DOCK1: variants seen among roughly 807,000 people sequenced by gnomAD.
The protein encoded by DOCK1 is dedicator of cytokinesis 1.
A neutral mutation model predicts 262.7 loss-of-function variants in DOCK1; 138 were observed. The ratio of observed to expected loss-of-function variants is 0.53; its 90% confidence interval spans 0.46 to 0.61. The LOEUF (loss-of-function observed/expected upper bound fraction) is 0.61. Ranked by LOEUF, DOCK1 falls within the 20% of genes least tolerant of loss-of-function variation. The probability of loss-of-function intolerance (pLI) is 0.00; values close to 1 mark genes in which losing one functional copy is unlikely to be tolerated. For synonymous variants in DOCK1, 866 were observed against 867.4 expected (o/e 1.00, Z 0.03); for missense variants, 1,908 against 2,370.7 (o/e 0.80, Z 4.05).
At chr10:127,425,140 C>T (rs1233431125) in intron 46 of DOCK1, among the ~76,000 whole-genome samples, 1 of 152,110 alleles carries the variant, frequency 6.6e-6, no homozygotes, top group Admixed American at 6.5e-5. Flanking sequence ...GAGAGGAAGC[C>T]TCTTAGCTTG....
At chr10:127,253,611 T>A (rs952769906) in intron 28 of DOCK1, among the ~76,000 whole-genome samples, 1 of 152,136 alleles carries the variant, frequency 6.6e-6, no homozygotes, top group Non-Finnish European at 1.5e-5. Flanking sequence ...CAGTGGCTCA[T>A]GCCTGTAATC....
intron 29 of DOCK1, among the ~76,000 whole-genome samples, chr10:127,274,733 G>A (rs964622667): frequency 3.9e-5 from 6 of 152,192 alleles, no homozygotes; most frequent in Admixed American, 2.6e-4. Flanking sequence ...GAGTGTTCCC[G>A]AGCTCTGTTT....
intron 29 of DOCK1, among the ~76,000 whole-genome samples, chr10:127,333,009 T>C (rs568183578): frequency 6.7e-6 from 1 of 150,202 alleles, no homozygotes; most frequent in South Asian, 2.1e-4. Context: ...GTTGCTAGAC[T>C]CATTTTTCTG....
intron 29 of DOCK1, among the ~76,000 whole-genome samples, chr10:127,273,163 A>G (rs2135201411): frequency 6.6e-6 from 1 of 152,356 alleles, no homozygotes; most frequent in African/African-American, 2.4e-5. Flanking sequence ...TTCCTGCAAG[A>G]GCCAGAAAAT....
chr10:127,194,320 G>C (rs1190436043), intron 27 of DOCK1, among the ~76,000 whole-genome samples: 1 of 152,224 alleles, frequency 6.6e-6, no homozygotes, highest in African/African-American at 2.4e-5. Flanking sequence ...AACATGGATA[G>C]TAAATGATTA....
chr10:127,202,030 G>A (rs917877210), intron 27 of DOCK1, among the ~76,000 whole-genome samples: 11 of 152,072 alleles, frequency 7.2e-5, no homozygotes, highest in Non-Finnish European at 1.3e-4. Flanking sequence ...ATCAGAACTA[G>A]GGCAGGAAGG....
chr10:127,320,435 G>T (rs2062469049), intron 29 of DOCK1, among the ~76,000 whole-genome samples: 1 of 152,138 alleles, frequency 6.6e-6, no homozygotes, highest in African/African-American at 2.4e-5. Context: ...CTTGAGCGCG[G>T]CCACGTGGCT....
intron 1 of DOCK1, among the ~76,000 whole-genome samples, chr10:126,924,712 G>A (rs1044550947): frequency 6.6e-6 from 1 of 152,182 alleles, no homozygotes; most frequent in Non-Finnish European, 1.5e-5. Flanking sequence ...ACCATGGAGG[G>A]CCAGGTGTGG....
At chr10:127,212,810 C>T (rs1262920525) in intron 27 of DOCK1, among the ~76,000 whole-genome samples, 1 of 41,952 alleles carries the variant, frequency 2.4e-5, no homozygotes, top group Non-Finnish European at 5.1e-5. Context: ...CACCCCTTGC[C>T]AAAAAAAAAA....
intron 25 of DOCK1, among the ~76,000 whole-genome samples, chr10:127,122,898 C>G (rs938089246): frequency 6.6e-6 from 1 of 152,076 alleles, no homozygotes. Flanking sequence ...CAAATGAGAC[C>G]AGCACACTCA....
intron 27 of DOCK1, among the ~76,000 whole-genome samples, chr10:127,132,648 C>A (rs1385330699): frequency 6.6e-6 from 1 of 152,092 alleles, no homozygotes; most frequent in Admixed American, 6.5e-5. Flanking sequence ...GTGGGCTGGC[C>A]AGCCATTGGG....
intron 37 of DOCK1, among the ~76,000 whole-genome samples, chr10:127,382,041 A>C (rs2134110268): frequency 6.6e-6 from 1 of 152,318 alleles, no homozygotes; most frequent in South Asian, 2.1e-4. Context: ...TCACAACCTC[A>C]GTAAGTTATT....
intron 49 of DOCK1, among the ~76,000 whole-genome samples, chr10:127,440,624 G>T (rs1032855993): frequency 2.0e-5 from 3 of 152,264 alleles, no homozygotes; most frequent in South Asian, 4.1e-4. Context: ...AACCCAGAAG[G>T]TACGTTTTAT....
At position 127,350,065 on chromosome 10, in the gene DOCK1, T is replaced by C. The variant is rs1034550986; in HGVS notation, c.3225-4604T>C. Among the ~76,000 whole-genome samples the C allele has an allele frequency of 5.9e-5, 9 of 152,174 alleles. No individual in the cohort carries two copies. In the South Asian group the frequency reaches 1.2e-3, roughly 21 times the overall value. On this transcript the variant is annotated intron_variant, in intron 31 of 51. Transcript: ENST00000623213. ...TCCAACCCACACTAGTCATGACCAA[T>C]AGACTTTTCTTTTCTTTTTTCAGTG...
At chr10:127,221,107 A>G (rs940636660) in intron 27 of DOCK1, among the ~76,000 whole-genome samples, 3 of 152,212 alleles carry the variant, frequency 2.0e-5, no homozygotes, top group Non-Finnish European at 2.9e-5. Context: ...ACTGGAAGCT[A>G]TGGTATTTTA....
chr10:127,436,413 G>A (rs2069690959), intron 48 of DOCK1, among the ~76,000 whole-genome samples: 2 of 152,144 alleles, frequency 1.3e-5, no homozygotes, highest in Admixed American at 6.5e-5. Context: ...AGCTACCTGG[G>A]AGGCTGAGGT....
chr10:126,920,530 G>A (rs1411173337), intron 1 of DOCK1, among the ~76,000 whole-genome samples: 1 of 152,132 alleles, frequency 6.6e-6, no homozygotes, highest in South Asian at 2.1e-4. Flanking sequence ...CCCAAATGCA[G>A]TAATGAAAAG....
intron 6 of DOCK1, among the ~76,000 whole-genome samples, chr10:126,992,876 C>T (rs1454976936): frequency 6.6e-6 from 1 of 151,890 alleles, no homozygotes; most frequent in Non-Finnish European, 1.5e-5. Context: ...CTTCCATGGA[C>T]TTCATCTCTC....
At chr10:127,231,491 ATCAC>A (rs948201133) in intron 27 of DOCK1, among the ~76,000 whole-genome samples, 35 of 149,342 alleles carry the variant, frequency 2.3e-4, no homozygotes, top group Non-Finnish European at 4.5e-4. Context: ...ACAATCATGG[ATCAC>A]TGCAGCCTCC....
Sources: allele counts gnomAD v4.1 joint callset (sites outside exome capture counted in the v4.1 genomes callset), GRCh38; gene constraint gnomAD v4.1.1; transcripts MANE v1.5; gene names NCBI Gene and HGNC (gene_info 2026-07-23, HGNC 2026-07-21).